FAT4: variants seen among roughly 807,000 people sequenced by gnomAD.
FAT4 encodes FAT atypical cadherin 4.
In FAT4, 84 loss-of-function variants were observed where a neutral mutation model predicts 303.9. The observed-to-expected ratio is 0.28, with a 90% CI of 0.23 to 0.33. The LOEUF is 0.33. Ranked by LOEUF, FAT4 falls within the 10% of genes least tolerant of loss-of-function variation. FAT4 has a pLI of 1.00. For missense variants in FAT4, 6,005 were observed against 6,146.8 expected (o/e 0.98, Z 0.77); for synonymous variants, 2,307 against 2,298.8 (o/e 1.00, Z -0.10).
intron 8 of FAT4, among the ~76,000 whole-genome samples, chr4:125,435,879 G>A (rs893275398): frequency 6.6e-6 from 1 of 152,128 alleles, no homozygotes; most frequent in African/African-American, 2.4e-5. Context: ...GATTTACGGA[G>A]AGAAACCAGT....
intron 2 of FAT4, among the ~76,000 whole-genome samples, chr4:125,340,635 T>C (rs1731754949): frequency 6.6e-6 from 1 of 152,198 alleles, no homozygotes; most frequent in African/African-American, 2.4e-5. Context: ...TTAGGTCATA[T>C]ATAAGAATTT....
At chr4:125,489,402 A>AT (rs1180886064) in intron 17 of FAT4, among the ~76,000 whole-genome samples, 2 of 152,214 alleles carry the variant, frequency 1.3e-5, no homozygotes, top group Admixed American at 1.3e-4. Flanking sequence ...AATAGCTAAG[A>AT]TTTTTTTGTT....
In FAT4 at chr4:125,416,494, A is replaced by G; in HGVS notation, c.6890A>G (p.Tyr2297Cys). Residue 2297 changes from tyrosine to cysteine, a missense_variant, in exon 7 of 18, where the codon TAT (tyrosine) becomes TGT (cysteine). By Grantham distance (194) the Tyr-to-Cys change is radical. Transcript: ENST00000394329. ...CGAGGATCTAACAGCAAACTCTCATATGTTCTGTTTGGTGGTAATGAAGAC... is the reference window on the plus strand; with the variant it reads ...CGAGGATCTAACAGCAAACTCTCATGTGTTCTGTTTGGTGGTAATGAAGAC... ...DDRGSNSKLS[Y>C]VLFGGNEDNA... The G allele has an allele frequency of 1.2e-6, 2 of 1,613,912 alleles. No homozygotes were observed. The highest frequency in any genetic ancestry group is 1.7e-6 in the Non-Finnish European group (2 of 1,179,870).
chr4:125,467,994 G>A (rs1260621746), intron 11 of FAT4, among the ~76,000 whole-genome samples: 2 of 151,968 alleles, frequency 1.3e-5, no homozygotes, highest in Middle Eastern at 3.4e-3. Flanking sequence ...GTGAAATCTC[G>A]TCTCTATTAA....
intron 16 of FAT4, 39 bp downstream of exon 16, chr4:125,481,777 C>A (rs369814386): frequency 5.8e-6 from 9 of 1,560,210 alleles, no homozygotes; most frequent in Non-Finnish European, 7.9e-6. Context: ...TTGATTAGAC[C>A]GCCTGCCGTG....
intron 7 of FAT4, among the ~76,000 whole-genome samples, chr4:125,429,405 G>A (rs1044514973): frequency 7.9e-5 from 12 of 152,112 alleles, no homozygotes; most frequent in African/African-American, 2.9e-4. Flanking sequence ...CGTGACTGGA[G>A]TACGTTGATA....
chr4:125,448,837 T>C lies in FAT4; in HGVS notation c.7827T>C (p.Asn2609=), dbSNP rs770157608. The C allele has an allele frequency of 6.2e-7, 1 of 1,608,648 alleles. No individual in the cohort carries two copies. The highest frequency in any genetic ancestry group is 2.2e-5 in the East Asian group (1 of 44,812). ...EPMSYYIASG[N]LGNTFQIDQL... ...TGTCATATTATATCGCAAGTGGGAA[T>C]CTTGGCAATACTTTCCAGATTGATC... Residue 2609 remains asparagine (N), a synonymous_variant, in exon 10 of 18, where the codon AAT becomes AAC. Coordinates refer to ENST00000394329, the MANE Select transcript of FAT4 (RefSeq NM_001291303.3).
At position 125,413,737 on chromosome 4, in the gene FAT4, T is replaced by A. The variant is rs184492969; in HGVS notation, c.5921-1147T>A. Among the ~76,000 whole-genome samples, 728 of 152,080 alleles carry A rather than the reference T, an allele frequency of 4.8e-3. 9 individuals are homozygous for A. The highest frequency in any genetic ancestry group is 0.016 in the African/African-American group (681 of 41,566). On this transcript the variant is annotated intron_variant, in intron 5 of 17. Transcript: ENST00000394329. Reference sequence around the variant, plus strand: ...AAAGTTAACTGAAGTATTGATAGAATAATGAGAAAGAATTTTTTTAAAGAA... The same window carrying A: ...AAAGTTAACTGAAGTATTGATAGAAAAATGAGAAAGAATTTTTTTAAAGAA...
At chr4:125,396,800 T>C (rs1189336157) in intron 2 of FAT4, among the ~76,000 whole-genome samples, 1 of 152,016 alleles carries the variant, frequency 6.6e-6, no homozygotes, top group African/African-American at 2.4e-5. Flanking sequence ...AGTTACCTTT[T>C]ATTTGTTATT....
intron 7 of FAT4, among the ~76,000 whole-genome samples, chr4:125,424,046 A>AGACTTTG (rs1724999711): frequency 6.6e-6 from 1 of 152,170 alleles, no homozygotes; most frequent in Non-Finnish European, 1.5e-5. Flanking sequence ...TTCTCAGATA[A>AGACTTTG]GACTTTGGAC....
chr4:125,406,791 T>C (rs188082789), intron 3 of FAT4, 89 bp from the exon 4 acceptor site: 568 of 1,442,726 alleles, frequency 3.9e-4, no homozygotes, highest in Non-Finnish European at 5.0e-4. Context: ...CCAAAAAGCC[T>C]TCCTTTGTCA....
In FAT4 at chr4:125,414,902, C is replaced by T. The variant is rs1458249935; in HGVS notation, c.5939C>T (p.Thr1980Ile). ...DADDGINSQL[T>I]YSIASGDSLG... is the part of the protein sequence containing the mutation. ...ATTTCAGGCATCAACTCTCAATTGA[C>T]TTATAGCATTGCTTCAGGTGATAGC... The change falls in exon 6 of 18, where the codon ACT (threonine) becomes ATT (isoleucine). Residue 1980 changes from threonine to isoleucine, a missense_variant. Transcript: ENST00000394329. 5.0e-6 allele frequency: 8 copies of T among 1,600,250 alleles called. No individual in the cohort carries two copies. In the Admixed American group the frequency reaches 1.2e-4, roughly 24 times the overall value.
At position 125,415,658 on chromosome 4, in the gene FAT4, C is replaced by T. The variant is rs747524340; in HGVS notation, c.6695C>T (p.Thr2232Ile). 3.7e-6 allele frequency: 6 copies of T among 1,614,016 alleles called. No individual in the cohort carries two copies. Among genetic ancestry groups the T allele is most frequent in the Non-Finnish European group, 4.2e-6 (5 of 1,179,966 alleles). Residue 2232 changes from threonine (T) to isoleucine (I), a missense_variant, in exon 6 of 18, where the codon ACA becomes ATA. Thr to Ile is a moderately conservative substitution (Grantham distance 89). Transcript: ENST00000394329. Reference protein sequence around the residue: ...TPTYHLTVQATDRGSTPRTDT... With the variant: ...TPTYHLTVQAIDRGSTPRTDT... Reference sequence around the variant, plus strand: ...ACCTACCATTTAACTGTTCAGGCAACAGATCGAGGCAGCACACCCAGAACT... The same window carrying T: ...ACCTACCATTTAACTGTTCAGGCAATAGATCGAGGCAGCACACCCAGAACT...
chr4:125,451,184 A>T lies in FAT4; in HGVS notation c.10174A>T (p.Thr3392Ser). Residue 3392 changes from threonine to serine, a missense_variant, in exon 10 of 18, where the codon ACT (threonine) becomes TCT (serine). Transcript: ENST00000394329. ...SIRGADIDEVTVNVTVLDAND... is the reference protein window; with the variant it reads ...SIRGADIDEVSVNVTVLDAND... ...TAGAGGTGCAGATATAGATGAGGTCACTGTAAATGTCACCGTGCTTGATGC... is the reference window on the plus strand; with the variant it reads ...TAGAGGTGCAGATATAGATGAGGTCTCTGTAAATGTCACCGTGCTTGATGC... 1 of 1,614,136 alleles carries T rather than the reference A, an allele frequency of 6.2e-7. No homozygotes were observed. Among genetic ancestry groups the T allele is most frequent in the Non-Finnish European group, 8.5e-7 (1 of 1,180,018 alleles).
intron 2 of FAT4, among the ~76,000 whole-genome samples, chr4:125,322,160 C>T (rs74381542): frequency 0.059 from 8,969 of 152,216 alleles, 467 homozygotes; most frequent in East Asian, 0.2. Context: ...TTCCTGATTT[C>T]ATCTGCCTTA....
At position 125,316,886 on chromosome 4, in the gene FAT4, G is replaced by T. The variant is rs2125938762; in HGVS notation, c.475G>T (p.Ala159Ser). The change falls in exon 2 of 18, where the codon GCC becomes TCC. Residue 159 changes from alanine (A) to serine (S), a missense_variant. Transcript: ENST00000394329. This position sits in a 1 kb window ranked among gnomAD's most constrained non-coding sequence, Gnocchi z 5.7. ...CGGACGCCAAGTCATCTTAGACACC[G>T]CCACCGACTCGGACATCGGCTCAAA... ...SSGRQVILDT[A>S]TDSDIGSNGV... The T allele has an allele frequency of 6.2e-7, 1 of 1,613,954 alleles. No homozygotes were observed. The highest frequency in any genetic ancestry group is 8.5e-7 in the Non-Finnish European group (1 of 1,180,032).
chr4:125,411,670 T>C (rs969754426), intron 5 of FAT4, among the ~76,000 whole-genome samples: 2 of 150,110 alleles, frequency 1.3e-5, no homozygotes, highest in East Asian at 3.9e-4. Flanking sequence ...TGTGAGTAAA[T>C]ATACATATTT....
At chr4:125,425,438 G>T (rs1412913524) in intron 7 of FAT4, among the ~76,000 whole-genome samples, 1 of 151,914 alleles carries the variant, frequency 6.6e-6, no homozygotes, top group Non-Finnish European at 1.5e-5. Flanking sequence ...CTTCCCTTTG[G>T]ATTAAATTTT....
chr4:125,341,827 A>G (rs1312608308), intron 2 of FAT4, among the ~76,000 whole-genome samples: 1 of 152,040 alleles, frequency 6.6e-6, no homozygotes, highest in African/African-American at 2.4e-5. Context: ...TGACATTTTA[A>G]ATAAAGGATT....
Sources: allele counts gnomAD v4.1 joint callset (sites outside exome capture counted in the v4.1 genomes callset), GRCh38; gene constraint gnomAD v4.1.1; non-coding constraint Gnocchi (gnomAD v3.1); transcripts MANE v1.5; gene names NCBI Gene and HGNC (gene_info 2026-07-23, HGNC 2026-07-21).